Variants in CELF5 observed in about 807,000 individuals in gnomAD.
CELF5 encodes the protein CUGBP Elav-like family member 5.
Under a neutral mutation model 54.9 loss-of-function variants are expected in CELF5, and 6 were observed. That is an observed-to-expected ratio of 0.11 (90% CI 0.06 to 0.22). The LOEUF is 0.22. Among genes scored for constraint, CELF5 ranks in the 10% least tolerant of loss-of-function variants. The pLI is 1.00. For missense variants in CELF5, 401 were observed against 678.6 expected, an observed-to-expected ratio of 0.59 and a Z score of 4.54; for synonymous variants, 271 against 290.9, an observed-to-expected ratio of 0.93 and a Z score of 0.70.
Position 3,281,496 on chromosome 19 carries a change from T to C in CELF5, c.750+151T>C. On this transcript the variant is annotated intron_variant, in intron 6 of 12. Transcript: ENST00000292672. This position sits in a 1 kb window ranked among gnomAD's most constrained non-coding sequence, Gnocchi z 6.5. Reference sequence around the variant, plus strand: ...CCCCAACTCCAAATTGAGACCAAGCTCAGACCGAGCCCCTAAATCCAGAAG... The same window carrying C: ...CCCCAACTCCAAATTGAGACCAAGCCCAGACCGAGCCCCTAAATCCAGAAG... The C allele has an allele frequency of 2.4e-6, 2 of 822,004 alleles. No individual in the cohort carries two copies. The highest frequency in any genetic ancestry group is 5.2e-5 in the East Asian group (2 of 38,290). The allele number at this position is 822,004 out of a possible 1,614,324, so 50.9% of individuals were successfully genotyped here. A position where few individuals can be genotyped will look rare whatever the true frequency, so the allele number is the denominator to read the frequency against.
intron 2 of CELF5, among the ~76,000 whole-genome samples, chr19:3,267,759 G>A (rs1052264608): frequency 6.6e-6 from 1 of 152,050 alleles, no homozygotes; most frequent in Non-Finnish European, 1.5e-5. Context: ...CTCAGACGTG[G>A]CAGCTGCCTT....
chr19:3,273,999 C>G (rs1326224255), intron 3 of CELF5, 76 bp downstream of exon 3: 1 of 1,466,640 alleles, frequency 6.8e-7, no homozygotes, highest in Non-Finnish European at 9.5e-7. Context: ...CTTCCTTCCT[C>G]TCTCCTGCAA....
At chr19:3,259,295 G>T (rs995876499) in intron 2 of CELF5, among the ~76,000 whole-genome samples, 1 of 152,130 alleles carries the variant, frequency 6.6e-6, no homozygotes, top group Non-Finnish European at 1.5e-5. Context: ...GACACTGGCT[G>T]CTGTCTGTGG....
intron 2 of CELF5, among the ~76,000 whole-genome samples, chr19:3,270,344 A>C (rs896937929): frequency 2.2e-4 from 34 of 151,954 alleles, no homozygotes; most frequent in African/African-American, 7.7e-4. Flanking sequence ...GAGCCAGAGA[A>C]GGTGGAGGAG....
rs1383615992 is a variant in CELF5 at position 3,290,393 on chromosome 19, C to T, written c.1330+19C>T. The T allele has an allele frequency of 3.7e-6, 6 of 1,611,348 alleles. No homozygotes were observed. The East Asian group carries it at 1.3e-4, about 36-fold the overall frequency. ...TGTTTCGGTGAGTGGCCGCCGACGCCACCCCTCCCCATCCACCTCCCTCGC... is the reference window on the plus strand; with the variant it reads ...TGTTTCGGTGAGTGGCCGCCGACGCTACCCCTCCCCATCCACCTCCCTCGC... On this transcript the variant is annotated intron_variant, in intron 11 of 12. Coordinates refer to ENST00000292672, the MANE Select transcript of CELF5 (RefSeq NM_021938.4).
At chr19:3,238,756 A>G (rs1242087447) in intron 1 of CELF5, among the ~76,000 whole-genome samples, 2 of 152,012 alleles carry the variant, frequency 1.3e-5, no homozygotes, top group Non-Finnish European at 2.9e-5. Context: ...ACATGACGAA[A>G]CCCTGTCTCT....
chr19:3,289,034 A>C (rs1277071625), intron 10 of CELF5, among the ~76,000 whole-genome samples: 2 of 152,160 alleles, frequency 1.3e-5, no homozygotes, highest in Non-Finnish European at 2.9e-5. Context: ...AGGGATTTGG[A>C]GAGGGGACAA....
At chr19:3,248,909 T>C (rs201214054) in intron 1 of CELF5, among the ~76,000 whole-genome samples, 5,754 of 74,656 alleles carry the variant, frequency 0.077, 146 homozygotes, top group African/African-American at 0.15. Context: ...TTCCTTCCTT[T>C]CTTTCTTTCT....
intron 2 of CELF5, among the ~76,000 whole-genome samples, chr19:3,251,911 G>GACCTCAAACTCT (rs2079656326): frequency 6.6e-6 from 1 of 152,068 alleles, no homozygotes; most frequent in Non-Finnish European, 1.5e-5. Flanking sequence ...TTGACCTCAA[G>GACCTCAAACTCT]TGATCTGCAC....
chr19:3,235,060 C>T lies in CELF5; in HGVS notation c.259+10062C>T, dbSNP rs552407982. ...TCATCCCCTTCATACCATCCCCTGC[C>T]CCCTCTCTCCTCCTCGCTCCCTCTG... On this transcript the variant is annotated intron_variant, in intron 1 of 12. Coordinates refer to ENST00000292672, the MANE Select transcript of CELF5 (RefSeq NM_021938.4). Among the ~76,000 whole-genome samples, 9 of 152,234 alleles carry T rather than the reference C, an allele frequency of 5.9e-5. No individual in the cohort carries two copies. In the East Asian group the frequency reaches 1.5e-3, roughly 26 times the overall value.
chr19:3,224,662 G>T lies in CELF5; in HGVS notation c.-78G>T, dbSNP rs1916783340. On this transcript the variant is annotated 5_prime_UTR_variant, in exon 1 of 13. Coordinates refer to ENST00000292672, the MANE Select transcript of CELF5 (RefSeq NM_021938.4). Reference sequence around the variant, plus strand: ...GGCGCGGGGGCCCGGGAGGGAGGCGGGAGGCGCGGCCGCCGCTCCAGCTGC... The same window carrying T: ...GGCGCGGGGGCCCGGGAGGGAGGCGTGAGGCGCGGCCGCCGCTCCAGCTGC... 8.2e-6 allele frequency: 8 copies of T among 980,702 alleles called. No homozygotes were observed. Among genetic ancestry groups the T allele is most frequent in the Non-Finnish European group, 9.7e-6 (8 of 827,340 alleles). 60.8% of individuals were successfully genotyped at this position (980,702 alleles called of 1,614,324 possible).
At chr19:3,286,723 C>T (rs1284678956) in intron 10 of CELF5, 1 of 104,910 alleles carries the variant, frequency 9.5e-6, no homozygotes, top group Non-Finnish European at 1.8e-5. Context: ...GAGAGCAAGA[C>T]TCCATCTCAA....
At chr19:3,263,640 C>T (rs184163538) in intron 2 of CELF5, among the ~76,000 whole-genome samples, 2 of 152,118 alleles carry the variant, frequency 1.3e-5, no homozygotes, top group Non-Finnish European at 2.9e-5. Flanking sequence ...CACGGTGGCT[C>T]ACGCCTGTAA....
At chr19:3,251,659 T>TG in intron 2 of CELF5, among the ~76,000 whole-genome samples, 1 of 132,602 alleles carries the variant, frequency 7.5e-6, no homozygotes, top group African/African-American at 2.7e-5. Context: ...CTTCTTTTTT[T>TG]TTTTTTTTTT....
chr19:3,296,086 C>A (rs2080438158), intron 12 of CELF5: 3 of 148,842 alleles, frequency 2.0e-5, no homozygotes, highest in Non-Finnish European at 4.4e-5. Flanking sequence ...TCTTTCTGAG[C>A]AGGTACAAAG....
intron 9 of CELF5, 51 bp downstream of exon 9, chr19:3,285,015 A>T: frequency 7.2e-7 from 1 of 1,381,688 alleles, no homozygotes; most frequent in Non-Finnish European, 1.0e-6. Context: ...GCCCCCGCCT[A>T]GGGCCCCGCC....
rs539501286 is a variant in CELF5, at chr19:3,243,850, G to A, written c.260-7135G>A. On this transcript the variant is annotated intron_variant, in intron 1 of 12. Transcript: ENST00000292672. ...GTCCCATCTCCGCCTGCATCTTCAC[G>A]TCCCCCTGCCTGTGCGTGTCTCTGT... Among the ~76,000 whole-genome samples the A allele has an allele frequency of 4.6e-5, 7 of 151,924 alleles. No individual in the cohort carries two copies. The East Asian group carries it at 1.2e-3, about 25-fold the overall frequency.
chr19:3,280,585 C>CA (rs375938826), intron 5 of CELF5, among the ~76,000 whole-genome samples: 2 of 151,624 alleles, frequency 1.3e-5, no homozygotes, highest in East Asian at 1.9e-4. Flanking sequence ...CAAAACAAAA[C>CA]AAAAAAAATC....
In CELF5 at chr19:3,228,359, AT is replaced by A. The variant is rs1917044947; in HGVS notation, c.259+3363del. On this transcript the variant is annotated intron_variant, in intron 1 of 12. Coordinates refer to ENST00000292672, the MANE Select transcript of CELF5 (RefSeq NM_021938.4). This position sits in a 1 kb window ranked among gnomAD's most constrained non-coding sequence, Gnocchi z 6.0. ...CTCAGGCCAAGAACTGGAGGCTGGG[AT>A]TGGGGCTCCCGCTGGCCCCCCTGCA... is the stretch of plus-strand genomic sequence containing the variant. Among the ~76,000 whole-genome samples, 1 of 152,026 alleles carries A rather than the reference AT, an allele frequency of 6.6e-6. No homozygotes were observed. The highest frequency in any genetic ancestry group is 2.4e-5 in the African/African-American group (1 of 41,400).
Sources: gnomAD v4.1 joint callset for allele counts (sites outside exome capture counted in the v4.1 genomes callset) on GRCh38, gnomAD v4.1.1 for gene constraint, Gnocchi (gnomAD v3.1) non-coding constraint, MANE v1.5 for transcripts, NCBI Gene and HGNC (gene_info 2026-07-23, HGNC 2026-07-21) for gene names.